Variants in LRRC37A2 observed in about 807,000 individuals in gnomAD.
The protein encoded by LRRC37A2 is leucine-rich repeat-containing protein 37A2.
In LRRC37A2, 9 loss-of-function variants were observed where a neutral mutation model predicts 68.8. The observed-to-expected ratio is 0.13, with a 90% CI of 0.08 to 0.23. The LOEUF is 0.23. Ranked by LOEUF, LRRC37A2 falls within the 10% of genes least tolerant of loss-of-function variation. The probability of loss-of-function intolerance (pLI) is 1.00; values close to 1 mark genes in which losing one functional copy is unlikely to be tolerated. For missense variants in LRRC37A2, 168 were observed against 950.4 expected, an observed-to-expected ratio of 0.18 and a Z score of 10.82; for synonymous variants, 63 against 367.6, an observed-to-expected ratio of 0.17 and a Z score of 9.48.
At chr17:46,859,554 A>T in the LRRC37A2 span, among the ~76,000 whole-genome samples, 39 of 152,202 alleles carry the variant, frequency 2.6e-4, no homozygotes, top group Middle Eastern at 6.8e-3. Flanking sequence ...TTTAAAAAAA[A>T]TTTTTCCCCA....
the LRRC37A2 span, among the ~76,000 whole-genome samples, chr17:46,896,330 A>G: frequency 6.6e-6 from 1 of 150,376 alleles, no homozygotes. Context: ...AAAGAGAGAA[A>G]GAGAGAGAGA....
the LRRC37A2 span, chr17:46,936,056 A>C: frequency 3.0e-5 from 30 of 985,692 alleles, no homozygotes; most frequent in Non-Finnish European, 3.6e-5. Context: ...TGCCATCTCT[A>C]CGGGGGAGAG....
the LRRC37A2 span, among the ~76,000 whole-genome samples, chr17:46,786,941 C>G: frequency 7.0e-6 from 1 of 142,650 alleles, no homozygotes; most frequent in Non-Finnish European, 1.5e-5. Flanking sequence ...TTTCTTTTTT[C>G]TTTTTTTTTT....
chr17:47,002,655 G>C, the LRRC37A2 span, among the ~76,000 whole-genome samples: 1 of 152,100 alleles, frequency 6.6e-6, no homozygotes, highest in African/African-American at 2.4e-5. Flanking sequence ...CTCCCAAAGT[G>C]CTGGGATTAC....
At chr17:46,798,056 G>A in the LRRC37A2 span, among the ~76,000 whole-genome samples, 1 of 152,246 alleles carries the variant, frequency 6.6e-6, no homozygotes, top group Admixed American at 6.5e-5. Context: ...AGCCTCCCGA[G>A]TAGCTAGGAC....
chr17:46,962,835 C>T, the LRRC37A2 span, among the ~76,000 whole-genome samples: 1 of 152,210 alleles, frequency 6.6e-6, no homozygotes, highest in African/African-American at 2.4e-5. Flanking sequence ...CCAGAAATTT[C>T]TGGGAGTAGT....
chr17:46,818,516 AC>A, the LRRC37A2 span: 1 of 1,605,880 alleles, frequency 6.2e-7, no homozygotes, highest in Non-Finnish European at 8.5e-7. Context: ...GGCGAGTCTT[AC>A]CACCAAATTG....
chr17:46,839,960 CTT>C, the LRRC37A2 span, among the ~76,000 whole-genome samples: 1 of 145,572 alleles, frequency 6.9e-6, no homozygotes, highest in Non-Finnish European at 1.5e-5. Flanking sequence ...TTCTTTCTTT[CTT>C]TCTTTCTTTC....
the LRRC37A2 span, among the ~76,000 whole-genome samples, chr17:46,749,576 G>A: frequency 1.3e-5 from 2 of 152,148 alleles, no homozygotes; most frequent in African/African-American, 2.4e-5. Context: ...TTCACATGTT[G>A]CCACTTTCTG....
chr17:47,044,549 A>G, the LRRC37A2 span, among the ~76,000 whole-genome samples: 1 of 151,228 alleles, frequency 6.6e-6, no homozygotes, highest in Non-Finnish European at 1.5e-5. Context: ...GGTTTTGTCC[A>G]GAAAATGTAT....
At chr17:46,950,637 C>A in the LRRC37A2 span, among the ~76,000 whole-genome samples, 2 of 152,252 alleles carry the variant, frequency 1.3e-5, no homozygotes, top group East Asian at 1.9e-4. Flanking sequence ...GAGATGACCC[C>A]GAGCAGCAAG....
the LRRC37A2 span, chr17:46,755,340 A>G: frequency 2.5e-6 from 4 of 1,613,736 alleles, no homozygotes; most frequent in African/African-American, 4.0e-5. Context: ...GTGTGAGAAA[A>G]TTCTTGGCCC....
chr17:46,439,385 C>CA, the LRRC37A2 span, among the ~76,000 whole-genome samples: 63,201 of 133,492 alleles, frequency 0.47, 12,449 homozygotes, highest in South Asian at 0.66. Context: ...TACATAGAGC[C>CA]AAAAAAAAAA....
chr17:46,939,848 A>G, the LRRC37A2 span: 1 of 990,468 alleles, frequency 1.0e-6, no homozygotes, highest in East Asian at 1.1e-4. Flanking sequence ...TATAAAGGCC[A>G]ATCTGTCCTG....
the LRRC37A2 span, among the ~76,000 whole-genome samples, chr17:46,719,430 C>G: frequency 2.0e-5 from 3 of 152,086 alleles, no homozygotes; most frequent in Non-Finnish European, 1.5e-5. The surrounding 1 kb of genome is among the most constrained non-coding windows in gnomAD (Gnocchi z 4.3). Context: ...TGCTAAAATA[C>G]GTGAAAGTAG....
the LRRC37A2 span, among the ~76,000 whole-genome samples, chr17:46,969,871 C>G: frequency 6.6e-6 from 1 of 152,166 alleles, no homozygotes; most frequent in African/African-American, 2.4e-5. Flanking sequence ...TCCCCTTGCC[C>G]CCTCTCTGGT....
chr17:46,788,761 C>G, the LRRC37A2 span, among the ~76,000 whole-genome samples: 1 of 151,222 alleles, frequency 6.6e-6, no homozygotes, highest in Non-Finnish European at 1.5e-5. Context: ...CTGCGAGGAC[C>G]TCCCTGCCTC....
At chr17:46,775,947 T>G in the LRRC37A2 span, among the ~76,000 whole-genome samples, 1 of 152,210 alleles carries the variant, frequency 6.6e-6, no homozygotes, top group Non-Finnish European at 1.5e-5. Flanking sequence ...AATGGCTAAT[T>G]ACTGATTTCC....
the LRRC37A2 span, among the ~76,000 whole-genome samples, chr17:46,502,252 T>C: frequency 1.3e-5 from 2 of 151,104 alleles, no homozygotes; most frequent in African/African-American, 2.5e-5. Flanking sequence ...ATTTACTTAC[T>C]GAACTCAGAG....
Sources: gnomAD v4.1 joint callset for allele counts (sites outside exome capture counted in the v4.1 genomes callset) on GRCh38, gnomAD v4.1.1 for gene constraint, Gnocchi (gnomAD v3.1) non-coding constraint, MANE v1.5 for transcripts, NCBI Gene and HGNC (gene_info 2026-07-23, HGNC 2026-07-21) for gene names.